The following GNGT1 variants were observed in gnomAD, a reference collection of about 807,000 sequenced individuals.
GNGT1 encodes the protein guanine nucleotide-binding protein G(T) subunit gamma-T1.
GNGT1 carries 4 observed loss-of-function variants against 7.4 expected under a neutral mutation model. The ratio of observed to expected loss-of-function variants is 0.54; its 90% CI spans 0.27 to 1.24. The LOEUF (loss-of-function observed/expected upper bound fraction) is 1.24, where lower values mean the gene tolerates loss of function less well. Among genes scored for constraint, GNGT1 ranks in the 50% most tolerant of loss-of-function variants. The probability of loss-of-function intolerance (pLI) is 0.12; values close to 1 mark genes in which losing one functional copy is unlikely to be tolerated. For synonymous variants in GNGT1, 37 were observed against 30.2 expected, an observed-to-expected ratio of 1.23 and a Z score of -0.74; for missense variants, 95 against 82.4, an observed-to-expected ratio of 1.15 and a Z score of -0.59.
chr7:93,910,612 A>G lies in GNGT1; in HGVS notation c.97-178A>G, dbSNP rs73714177. 1,210 of 333,822 alleles carry G rather than the reference A, an allele frequency of 3.6e-3. 10 individuals carry two copies. Among genetic ancestry groups the G allele is most frequent in the African/African-American group, 0.024 (1,142 of 46,620 alleles). 20.7% of individuals were successfully genotyped at this position (333,822 alleles called of 1,614,324 possible). ...TCCTTTGTCTGGAGATATATCCAGAAGGAGTGGGAAGGGTGCAACTTTCTT... is the reference window on the plus strand; with the variant it reads ...TCCTTTGTCTGGAGATATATCCAGAGGGAGTGGGAAGGGTGCAACTTTCTT... On this transcript the variant is annotated intron_variant, in intron 2 of 2. Transcript: ENST00000248572.
At chr7:93,909,373 C>A in intron 2 of GNGT1, 1 of 585,374 alleles carries the variant, frequency 1.7e-6, no homozygotes, top group South Asian at 2.3e-5. Flanking sequence ...TCTTGCAATC[C>A]TATGTTAAAC....
Position 93,906,730 on chromosome 7 carries a change from C to T in GNGT1, c.-11-6C>T, listed in dbSNP as rs1200518544. On this transcript the variant is annotated splice_polypyrimidine_tract_variant and splice_region_variant and intron_variant, in intron 1 of 2. Transcript: ENST00000248572. The stretch of plus-strand genomic sequence containing the variant: ...ATGCATAGCTGCTAACCTTCTACAT[C>T]TTCAGCAGGCAAAAAGATGCCAGTA... The T allele has an allele frequency of 2.7e-6, 4 of 1,504,318 alleles. No homozygotes were observed. The highest frequency in any genetic ancestry group is 2.8e-5 in the African/African-American group (2 of 71,960). The allele number at this position is 1,504,318 out of a possible 1,614,324, so 93.2% of individuals were successfully genotyped here.
chr7:93,908,744 G>T (rs1242024874), intron 2 of GNGT1, among the ~76,000 whole-genome samples: 2 of 151,806 alleles, frequency 1.3e-5, no homozygotes, highest in Admixed American at 6.6e-5. Context: ...AGTACAGTAT[G>T]GTTAAGTGGA....
At chr7:93,906,992 A>ATTTTC in intron 2 of GNGT1, 150 bp downstream of exon 2, 1 of 357,716 alleles carries the variant, frequency 2.8e-6, no homozygotes, top group Non-Finnish European at 4.9e-6. Context: ...TTGATAATCA[A>ATTTTC]TCATAACTAT....
At chr7:93,910,056 A>G (rs1318046696) in intron 2 of GNGT1, 2 of 152,292 alleles carry the variant, frequency 1.3e-5, no homozygotes, top group Non-Finnish European at 2.9e-5. Flanking sequence ...CTCTCTCTAC[A>G]AGGAATGTTA....
intron 2 of GNGT1, chr7:93,909,375 A>G (rs1160790588): frequency 4.9e-6 from 3 of 606,516 alleles, no homozygotes; most frequent in African/African-American, 3.7e-5. Flanking sequence ...TTGCAATCCT[A>G]TGTTAAACTA....
chr7:93,910,806 A>C lies in GNGT1; in HGVS notation c.113A>C (p.Glu38Ala). The change falls in exon 3 of 3, where the codon GAA becomes GCA. Residue 38 changes from glutamate (E) to alanine (A), a missense_variant. Physicochemically the swap from Glu to Ala is moderately radical, Grantham distance 107. Transcript: ENST00000248572. Reference sequence around the variant, plus strand: ...CCCCTTAAGGTTTCCAAATGTTGTGAAGAAGTAAGAGATTACGTTGAAGAA... The same window carrying C: ...CCCCTTAAGGTTTCCAAATGTTGTGCAGAAGTAAGAGATTACGTTGAAGAA... ...LERMLVSKCC[E>A]EVRDYVEERS... 6.2e-7 allele frequency: 1 copy of C among 1,603,720 alleles called. No individual in the cohort carries two copies. The highest frequency in any genetic ancestry group is 8.5e-7 in the Non-Finnish European group (1 of 1,173,924).
At chr7:93,908,695 A>T (rs1794413959) in intron 2 of GNGT1, among the ~76,000 whole-genome samples, 1 of 151,380 alleles carries the variant, frequency 6.6e-6, no homozygotes, top group African/African-American at 2.4e-5. Context: ...TATAAAATGG[A>T]ACTTCCAGGT....
intron 2 of GNGT1, 52 bp from the exon 3 acceptor site, chr7:93,910,738 G>T (rs1237776686): frequency 5.2e-6 from 7 of 1,343,928 alleles, no homozygotes; most frequent in East Asian, 4.8e-5. Flanking sequence ...CCTGGCATCT[G>T]GAGTATTCTG....
chr7:93,909,594 A>G, intron 2 of GNGT1: 1 of 664,678 alleles, frequency 1.5e-6, no homozygotes, highest in South Asian at 1.7e-5. Context: ...TGACTTTTAG[A>G]GAGAGAGTGT....
intron 2 of GNGT1, chr7:93,909,522 T>C (rs1794427584): frequency 2.8e-6 from 2 of 701,850 alleles, no homozygotes; most frequent in Non-Finnish European, 5.2e-6. Context: ...CCTTATGGAC[T>C]ACTGAATTAA....
intron 2 of GNGT1, among the ~76,000 whole-genome samples, chr7:93,908,277 T>C (rs940585781): frequency 6.6e-6 from 1 of 152,122 alleles, no homozygotes; most frequent in Non-Finnish European, 1.5e-5. Context: ...CACATACATA[T>C]ACATGTACCC....
rs202213169 is a variant in GNGT1 at position 93,910,810 on chromosome 7, A to C, written c.117A>C (p.Glu39Asp). The change falls in exon 3 of 3, where the codon GAA becomes GAC. Residue 39 changes from glutamate to aspartate, a missense_variant. Coordinates refer to ENST00000248572, the MANE Select transcript of GNGT1 (RefSeq NM_021955.5). ...TTAAGGTTTCCAAATGTTGTGAAGA[A>C]GTAAGAGATTACGTTGAAGAACGAT... is the stretch of plus-strand genomic sequence containing the variant. The part of the protein sequence containing the change: ...ERMLVSKCCE[E>D]VRDYVEERSG... The C allele has an allele frequency of 5.0e-6, 8 of 1,605,096 alleles. No individual in the cohort carries two copies. Among genetic ancestry groups the C allele is most frequent in the Non-Finnish European group, 6.0e-6 (7 of 1,174,724 alleles).
At chr7:93,907,491 C>T (rs36038530) in intron 2 of GNGT1, among the ~76,000 whole-genome samples, 17,164 of 152,178 alleles carry the variant, frequency 0.11, 1,297 homozygotes, top group Non-Finnish European at 0.17. Context: ...CTCACTGGTT[C>T]CTCCTACAAA....
intron 2 of GNGT1, among the ~76,000 whole-genome samples, chr7:93,907,101 T>C (rs1333972235): frequency 2.0e-5 from 3 of 149,136 alleles, no homozygotes; most frequent in African/African-American, 7.4e-5. Context: ...AAGATAAGAA[T>C]GCTTTTTCAT....
rs768944512 is a variant in GNGT1 at position 93,906,761 on chromosome 7, T to C, written c.15T>C (p.Asn5=). 1.2e-6 allele frequency: 2 copies of C among 1,600,968 alleles called. No individual in the cohort carries two copies. Among genetic ancestry groups the C allele is most frequent in the South Asian group, 1.1e-5 (1 of 89,614 alleles). The change falls in exon 2 of 3, where the codon AAT becomes AAC. Residue 5 remains asparagine (N), a synonymous_variant. Transcript: ENST00000248572. The part of the protein sequence containing the change: MPVI[N]IEDLTEKDKL... The stretch of plus-strand genomic sequence containing the variant: ...CAGGCAAAAAGATGCCAGTAATCAA[T>C]ATTGAGGACCTGACAGAAAAGGACA...
chr7:93,911,071 G>A lies in GNGT1; in HGVS notation c.*153G>A. The A allele has an allele frequency of 2.3e-6, 1 of 426,304 alleles. No individual in the cohort carries two copies. Among genetic ancestry groups the A allele is most frequent in the East Asian group, 3.8e-5 (1 of 26,364 alleles). 26.4% of individuals were successfully genotyped at this position (426,304 alleles called of 1,614,324 possible). On this transcript the variant is annotated 3_prime_UTR_variant, in exon 3 of 3. Coordinates refer to ENST00000248572, the MANE Select transcript of GNGT1 (RefSeq NM_021955.5). ...AAACTTTTAATAAAAATTGGGGTGTGGTAACCCATCATTCTATGTTTTTCT... is the reference window on the plus strand; with the variant it reads ...AAACTTTTAATAAAAATTGGGGTGTAGTAACCCATCATTCTATGTTTTTCT...
chr7:93,909,241 G>T (rs1487052680), intron 2 of GNGT1, among the ~76,000 whole-genome samples: 1 of 152,124 alleles, frequency 6.6e-6, no homozygotes, highest in Non-Finnish European at 1.5e-5. Context: ...GCATCTTCTT[G>T]TGCCAGGCAC....
In GNGT1 at chr7:93,910,781, C is replaced by T. The variant is rs770152070; in HGVS notation, c.97-9C>T. On this transcript the variant is annotated splice_polypyrimidine_tract_variant and intron_variant, in intron 2 of 2. Transcript: ENST00000248572. ...CCAAATGAGTCATCCCTTTTTCCTT[C>T]CCCTTAAGGTTTCCAAATGTTGTGA... 4.5e-6 allele frequency: 7 copies of T among 1,572,754 alleles called. No individual in the cohort carries two copies. The South Asian group carries it at 7.1e-5, about 16-fold the overall frequency.
Sources: gnomAD v4.1 joint callset for allele counts (sites outside exome capture counted in the v4.1 genomes callset) on GRCh38, gnomAD v4.1.1 for gene constraint, MANE v1.5 for transcripts, NCBI Gene and HGNC (gene_info 2026-07-23, HGNC 2026-07-21) for gene names.